The following TSPEAR variants were observed in gnomAD, a reference collection of about 807,000 sequenced individuals.
TSPEAR encodes thrombospondin type laminin G domain and EAR repeats, also known as thrombospondin-type laminin G domain and EAR repeat-containing protein.
Under a neutral mutation model 71.6 loss-of-function variants are expected in TSPEAR, and 69 were observed. The ratio of observed to expected loss-of-function variants is 0.96; its 90% confidence interval spans 0.79 to 1.18. The LOEUF is 1.18. Among genes scored for constraint, TSPEAR ranks in the 50% most tolerant of loss-of-function variants. The pLI, the probability that TSPEAR is intolerant of heterozygous loss-of-function variation, is 0.00. For missense variants in TSPEAR, 971 were observed against 894.9 expected, an observed-to-expected ratio of 1.09 and a Z score of -1.09; for synonymous variants, 402 against 387.2, an observed-to-expected ratio of 1.04 and a Z score of -0.45.
chr21:44,612,255 A>G lies in TSPEAR; in HGVS notation c.83-44250T>C. 6.2e-7 allele frequency: 1 copy of G among 1,613,632 alleles called. No homozygotes were observed. Among genetic ancestry groups the G allele is most frequent in the Non-Finnish European group, 8.5e-7 (1 of 1,179,994 alleles). On this transcript the variant is annotated intron_variant, in intron 1 of 11. Coordinates refer to ENST00000323084, the MANE Select transcript of TSPEAR (RefSeq NM_144991.3). This position sits in a 1 kb window ranked among gnomAD's most constrained non-coding sequence, Gnocchi z 4.1. ...GACAATTGCCAGGAAAGCTGCTGCG[A>G]GCCCCGCTCCTGTGCCTCCAGCTGC...
chr21:44,522,183 A>G, intron 8 of TSPEAR, 71 bp from the exon 9 acceptor site: 1 of 1,472,792 alleles, frequency 6.8e-7, no homozygotes, highest in East Asian at 2.3e-5. Context: ...CGACGGAGGC[A>G]GAGCCCAGTC....
chr21:44,710,122 G>A lies in TSPEAR; in HGVS notation c.82+1311C>T, dbSNP rs540532038. 1.3e-5 allele frequency among the ~76,000 whole-genome samples: 2 copies of A among 151,978 alleles called. No individual in the cohort carries two copies. The highest frequency in any genetic ancestry group is 2.1e-4 in the South Asian group (1 of 4,808). On this transcript the variant is annotated intron_variant, in intron 1 of 11. Transcript: ENST00000323084. This position sits in a 1 kb window ranked among gnomAD's most constrained non-coding sequence, Gnocchi z 4.6. Reference sequence around the variant, plus strand: ...TGCTGAGGAGTCTCTCAGCTGCCCCGGGGTCCTCGAGCAGGGGAGGGAGAA... The same window carrying A: ...TGCTGAGGAGTCTCTCAGCTGCCCCAGGGTCCTCGAGCAGGGGAGGGAGAA...
chr21:44,640,824 A>T (rs1404445830), intron 1 of TSPEAR, among the ~76,000 whole-genome samples: 4 of 152,372 alleles, frequency 2.6e-5, no homozygotes, highest in African/African-American at 4.8e-5. Context: ...GGGACCATAC[A>T]TGAGGATGAC....
At chr21:44,585,659 C>T (rs1278082512) in intron 1 of TSPEAR, among the ~76,000 whole-genome samples, 9 of 152,192 alleles carry the variant, frequency 5.9e-5, no homozygotes, top group Admixed American at 3.3e-4. Flanking sequence ...TGAGGACTGC[C>T]ATTGAATTCC....
At chr21:44,610,550 G>T (rs1569217839) in intron 1 of TSPEAR, among the ~76,000 whole-genome samples, 1 of 152,244 alleles carries the variant, frequency 6.6e-6, no homozygotes, top group Admixed American at 6.5e-5. Flanking sequence ...TTGCTGCAGG[G>T]GTGGGGCCCT....
In TSPEAR at chr21:44,592,477, G is replaced by A. The variant is rs202107461; in HGVS notation, c.83-24472C>T. ...GCTGGAGCAGACGGACATGGTGGACGCGGCCATGCTGGGGTTGAACTGGTG... is the reference window on the plus strand; with the variant it reads ...GCTGGAGCAGACGGACATGGTGGACACGGCCATGCTGGGGTTGAACTGGTG... On this transcript the variant is annotated intron_variant, in intron 1 of 11. Transcript: ENST00000323084. 5.8e-5 allele frequency: 93 copies of A among 1,609,678 alleles called. No individual in the cohort carries two copies. The highest frequency in any genetic ancestry group is 5.6e-5 in the Non-Finnish European group (66 of 1,177,598).
intron 3 of TSPEAR, among the ~76,000 whole-genome samples, chr21:44,531,736 C>CCCGG (rs1292284945): frequency 2.0e-5 from 3 of 152,220 alleles, no homozygotes; most frequent in African/African-American, 7.2e-5. Context: ...TGCACCATCA[C>CCCGG]CCGGCCTGGG....
In TSPEAR at chr21:44,711,515, G is replaced by T; in HGVS notation, c.-1C>A. On this transcript the variant is annotated 5_prime_UTR_variant, in exon 1 of 12. Coordinates refer to ENST00000323084, the MANE Select transcript of TSPEAR (RefSeq NM_144991.3). This position sits in a 1 kb window ranked among gnomAD's most constrained non-coding sequence, Gnocchi z 4.5. Reference sequence around the variant, plus strand: ...AACACAGACTCAGCAGGGCAGACATGAGGGGCTTGGGTGCCAAGCTCCATC... The same window carrying T: ...AACACAGACTCAGCAGGGCAGACATTAGGGGCTTGGGTGCCAAGCTCCATC... 6.2e-7 allele frequency: 1 copy of T among 1,610,704 alleles called. No homozygotes were observed. The highest frequency in any genetic ancestry group is 1.1e-5 in the South Asian group (1 of 90,616).
chr21:44,567,937 C>T lies in TSPEAR; in HGVS notation c.151G>A (p.Val51Ile), dbSNP rs150016894. 2,666 of 1,593,350 alleles carry T rather than the reference C, an allele frequency of 1.7e-3. 3 individuals carry two copies. Among genetic ancestry groups the T allele is most frequent in the Non-Finnish European group, 2.1e-3 (2,416 of 1,166,646 alleles). Reference sequence around the variant, plus strand: ...AGTCCCCGTGCACCGTGAACCTGAACTATCCTGATCCCGCTTGTGGCGCCA... The same window carrying T: ...AGTCCCCGTGCACCGTGAACCTGAATTATCCTGATCCCGCTTGTGGCGCCA... ...SDGATSGIRI[V>I]QVHGARGLQL... is the part of the protein sequence containing the mutation. The change falls in exon 2 of 12, where the codon GTT becomes ATT. Residue 51 changes from valine (V) to isoleucine (I), a missense_variant. Coordinates refer to ENST00000323084, the MANE Select transcript of TSPEAR (RefSeq NM_144991.3).
In TSPEAR at chr21:44,612,026, A is replaced by G. The variant is rs1981709046; in HGVS notation, c.83-44021T>C. 2.0e-6 allele frequency: 3 copies of G among 1,476,840 alleles called. No homozygotes were observed. The highest frequency in any genetic ancestry group is 2.8e-6 in the Non-Finnish European group (3 of 1,075,028). The allele number at this position is 1,476,840 out of a possible 1,614,324, so 91.5% of individuals were successfully genotyped here. ...TGAGGAAAATACCCAGGGAGGGTAT[A>G]AAACCTCAGCAGCCAGGGCACACAA... On this transcript the variant is annotated intron_variant, in intron 1 of 11. Transcript: ENST00000323084. The surrounding 1 kb of genome is among the most constrained non-coding windows in gnomAD (Gnocchi z 4.1).
intron 1 of TSPEAR, chr21:44,600,966 C>T (rs1980806981): frequency 1.2e-6 from 2 of 1,611,822 alleles, no homozygotes; most frequent in Admixed American, 1.7e-5. Context: ...CCGTCTGCTG[C>T]AAGACTGTCT....
intron 9 of TSPEAR, among the ~76,000 whole-genome samples, chr21:44,512,342 T>TGGGGG (rs1203571256): frequency 8.2e-5 from 4 of 49,026 alleles, no homozygotes; most frequent in African/African-American, 2.6e-4. Flanking sequence ...GCTGTGGGGG[T>TGGGGG]GGGGTGGGGT....
chr21:44,529,384 G>A (rs1397290182), intron 5 of TSPEAR, among the ~76,000 whole-genome samples: 2 of 152,244 alleles, frequency 1.3e-5, no homozygotes, highest in Admixed American at 1.3e-4. Flanking sequence ...GCCCGACTGG[G>A]GCGGGCTGGT....
chr21:44,703,887 C>A (rs1323617241), intron 1 of TSPEAR, among the ~76,000 whole-genome samples: 1 of 152,282 alleles, frequency 6.6e-6, no homozygotes, highest in African/African-American at 2.4e-5. Context: ...AGTGCCACCG[C>A]CCAGCTCCTG....
At chr21:44,609,031 C>CA (rs1170286053) in intron 1 of TSPEAR, among the ~76,000 whole-genome samples, 1 of 151,942 alleles carries the variant, frequency 6.6e-6, no homozygotes, top group Admixed American at 6.5e-5. Flanking sequence ...AATGGGGCAG[C>CA]AAAAAAAGAG....
chr21:44,701,830 T>C (rs2146329839), intron 1 of TSPEAR, among the ~76,000 whole-genome samples: 2 of 151,796 alleles, frequency 1.3e-5, no homozygotes, highest in Middle Eastern at 6.8e-3. Flanking sequence ...GTGGTCCCCG[T>C]CCCGGGGTTG....
intron 1 of TSPEAR, among the ~76,000 whole-genome samples, chr21:44,615,832 G>C (rs170849): frequency 0.93 from 142,381 of 152,314 alleles, 66,622 homozygotes; most frequent in Middle Eastern, 0.95. Flanking sequence ...GTGACCCTGA[G>C]GTTCTCGTCT....
At position 44,627,626 on chromosome 21, in the gene TSPEAR, C is replaced by T. The variant is rs200692415; in HGVS notation, c.83-59621G>A. 6,560 of 1,612,838 alleles carry T rather than the reference C, an allele frequency of 4.1e-3. 21 individuals are homozygous for T. Among genetic ancestry groups the T allele is most frequent in the Non-Finnish European group, 5.1e-3 (6,019 of 1,179,608 alleles). On this transcript the variant is annotated intron_variant, in intron 1 of 11. Transcript: ENST00000323084. ...GTCTGCTGCAAACCTGTGTGCTGTG[C>T]GCCCACCTGCTCTGAGGATTCCTAT...
At chr21:44,503,717 CGGCGGG>C in intron 11 of TSPEAR, among the ~76,000 whole-genome samples, 6 of 124,708 alleles carry the variant, frequency 4.8e-5, no homozygotes, top group African/African-American at 2.0e-4. Context: ...GGTGAGCCCT[CGGCGGG>C]AAGCAAGGCT....
Sources: allele counts gnomAD v4.1 joint callset (sites outside exome capture counted in the v4.1 genomes callset), GRCh38; gene constraint gnomAD v4.1.1; non-coding constraint Gnocchi (gnomAD v3.1); transcripts MANE v1.5; gene names NCBI Gene and HGNC (gene_info 2026-07-23, HGNC 2026-07-21).